MCTP1: variants seen among roughly 807,000 people sequenced by gnomAD.
MCTP1 encodes multiple C2 and transmembrane domain-containing protein 1.
Under a neutral mutation model 120.6 loss-of-function variants are expected in MCTP1, and 69 were observed. That is an observed-to-expected ratio of 0.57 (90% CI 0.47 to 0.70). The LOEUF (loss-of-function observed/expected upper bound fraction) is 0.70, where lower values mean the gene tolerates loss of function less well. Among genes scored for constraint, MCTP1 ranks in the 30% least tolerant of loss-of-function variants. The probability of loss-of-function intolerance (pLI) is 0.00; values close to 1 mark genes in which losing one functional copy is unlikely to be tolerated. For missense variants in MCTP1, 1,203 were observed against 1,248.8 expected (o/e 0.96, Z 0.55); for synonymous variants, 529 against 493.1 (o/e 1.07, Z -0.96).
chr5:94,956,714 C>CAAA (rs34659025), intron 2 of MCTP1, among the ~76,000 whole-genome samples: 15 of 150,378 alleles, frequency 1.0e-4, no homozygotes, highest in African/African-American at 3.4e-4. Context: ...GACAAGATTA[C>CAAA]AAAAAAAAAG....
chr5:95,261,930 G>C (rs1758505768), intron 1 of MCTP1, among the ~76,000 whole-genome samples: 1 of 152,190 alleles, frequency 6.6e-6, no homozygotes, highest in East Asian at 1.9e-4. Flanking sequence ...GAGCTCTGGG[G>C]CTGGGACTGC....
At chr5:95,198,624 C>T (rs1053971283) in intron 1 of MCTP1, among the ~76,000 whole-genome samples, 2 of 152,108 alleles carry the variant, frequency 1.3e-5, no homozygotes, top group Non-Finnish European at 2.9e-5. Flanking sequence ...GTATAATAGC[C>T]TATAGTTTTT....
chr5:95,255,067 A>G (rs914261040), intron 1 of MCTP1, among the ~76,000 whole-genome samples: 3 of 152,230 alleles, frequency 2.0e-5, no homozygotes, highest in African/African-American at 7.2e-5. Flanking sequence ...AGAATCTGAT[A>G]TAAAATGTAT....
chr5:94,773,368 T>G (rs888693992), intron 19 of MCTP1, among the ~76,000 whole-genome samples: 5 of 152,174 alleles, frequency 3.3e-5, no homozygotes, highest in Admixed American at 2.0e-4. Context: ...AGTTGGGTTA[T>G]AGTATTGCAA....
intron 19 of MCTP1, among the ~76,000 whole-genome samples, chr5:94,718,915 T>C (rs1336072782): frequency 6.6e-6 from 1 of 152,088 alleles, no homozygotes; most frequent in Non-Finnish European, 1.5e-5. Context: ...GAGATGGGGT[T>C]TTACCATGTT....
intron 19 of MCTP1, among the ~76,000 whole-genome samples, chr5:94,726,310 A>G (rs1762125275): frequency 2.6e-5 from 4 of 152,216 alleles, no homozygotes; most frequent in African/African-American, 9.6e-5. Context: ...TCTGAAGGCC[A>G]CTGGTTATAC....
chr5:95,240,081 A>G (rs1040733637), intron 1 of MCTP1, among the ~76,000 whole-genome samples: 1 of 152,104 alleles, frequency 6.6e-6, no homozygotes, highest in Non-Finnish European at 1.5e-5. Context: ...ATTTATTTAC[A>G]TACAAATTTC....
At chr5:95,245,384 T>A (rs547075936) in intron 1 of MCTP1, among the ~76,000 whole-genome samples, 5 of 152,286 alleles carry the variant, frequency 3.3e-5, no homozygotes, top group African/African-American at 9.6e-5. Context: ...TTCTCCGAGC[T>A]AAAGGCGCAT....
At chr5:94,907,480 G>A (rs530050125) in intron 10 of MCTP1, among the ~76,000 whole-genome samples, 207 of 152,268 alleles carry the variant, frequency 1.4e-3, no homozygotes, top group South Asian at 2.5e-3. Context: ...GTATATGACC[G>A]AAAATAGACT....
At chr5:95,039,966 C>T (rs1403546429) in intron 1 of MCTP1, among the ~76,000 whole-genome samples, 2 of 150,756 alleles carry the variant, frequency 1.3e-5, no homozygotes, top group African/African-American at 2.4e-5. Flanking sequence ...GGTGTCACTG[C>T]TAATTTTTTA....
intron 1 of MCTP1, among the ~76,000 whole-genome samples, chr5:95,255,739 A>C (rs1355036955): frequency 3.3e-5 from 5 of 152,198 alleles, no homozygotes; most frequent in African/African-American, 1.2e-4. Flanking sequence ...TTACTTGAGA[A>C]GCAGAGTGTC....
At chr5:95,215,130 G>A (rs544557209) in intron 1 of MCTP1, among the ~76,000 whole-genome samples, 4 of 152,258 alleles carry the variant, frequency 2.6e-5, no homozygotes, top group African/African-American at 4.8e-5. Flanking sequence ...CCATCTTGGA[G>A]CTTTTATCCT....
chr5:95,114,165 T>G (rs1757652019), intron 1 of MCTP1, among the ~76,000 whole-genome samples: 1 of 152,204 alleles, frequency 6.6e-6, no homozygotes, highest in Non-Finnish European at 1.5e-5. Flanking sequence ...GGGCCTTGAG[T>G]AAGACTCTGT....
intron 17 of MCTP1, among the ~76,000 whole-genome samples, chr5:94,848,024 AG>A (rs1792873691): frequency 6.6e-6 from 1 of 151,714 alleles, no homozygotes. Context: ...TGGTTTGGGG[AG>A]GGGGTGGTGA....
At chr5:95,051,421 C>T (rs1745869329) in intron 1 of MCTP1, among the ~76,000 whole-genome samples, 1 of 152,126 alleles carries the variant, frequency 6.6e-6, no homozygotes, top group East Asian at 1.9e-4. Flanking sequence ...CCCTAGTGGT[C>T]ACCCAGATCT....
At chr5:95,023,204 T>TA (rs1386905289) in intron 1 of MCTP1, among the ~76,000 whole-genome samples, 1 of 152,180 alleles carries the variant, frequency 6.6e-6, no homozygotes, top group Non-Finnish European at 1.5e-5. Flanking sequence ...AACACACACT[T>TA]ACTGCCTTAC....
intron 2 of MCTP1, among the ~76,000 whole-genome samples, chr5:94,956,998 G>A (rs949257949): frequency 2.6e-5 from 4 of 152,202 alleles, no homozygotes; most frequent in African/African-American, 7.2e-5. Context: ...AAGATGAAAT[G>A]TTAAGGGCAG....
chr5:95,051,707 G>A (rs1745955667), intron 1 of MCTP1, among the ~76,000 whole-genome samples: 1 of 152,150 alleles, frequency 6.6e-6, no homozygotes. Flanking sequence ...TTGAAAGAAT[G>A]AGAAATGATG....
chr5:95,044,881 A>G (rs1245206954), intron 1 of MCTP1, among the ~76,000 whole-genome samples: 1 of 151,948 alleles, frequency 6.6e-6, no homozygotes, highest in African/African-American at 2.4e-5. Context: ...CTAAGTGATG[A>G]TCCTCCTTTT....
Sources: allele counts gnomAD v4.1 joint callset (sites outside exome capture counted in the v4.1 genomes callset), GRCh38; gene constraint gnomAD v4.1.1; transcripts MANE v1.5; gene names NCBI Gene and HGNC (gene_info 2026-07-23, HGNC 2026-07-21).